Variants in DMXL2 observed in about 807,000 individuals in gnomAD.
DMXL2 encodes Dmx like 2.
A neutral mutation model predicts 331.1 loss-of-function variants in DMXL2; 103 were observed. That is an observed-to-expected ratio of 0.31 (90% CI 0.27 to 0.37). The LOEUF is 0.37. Among genes scored for constraint, DMXL2 ranks in the 10% least tolerant of loss-of-function variants. DMXL2 has a pLI of 1.00. For missense variants in DMXL2, 3,171 were observed against 3,642.9 expected, an observed-to-expected ratio of 0.87 and a Z score of 3.33; for synonymous variants, 1,281 against 1,252.1, an observed-to-expected ratio of 1.02 and a Z score of -0.49.
At chr15:51,598,464 G>C (rs1179551353) in intron 1 of DMXL2, among the ~76,000 whole-genome samples, 1 of 152,096 alleles carries the variant, frequency 6.6e-6, no homozygotes, top group Non-Finnish European at 1.5e-5. Context: ...ATTATCTATA[G>C]AGCTTAGATT....
At position 51,480,649 on chromosome 15, in the gene DMXL2, C is replaced by T. The variant is rs2041943421; in HGVS notation, c.6457G>A (p.Asp2153Asn). 6 of 1,612,566 alleles carry T rather than the reference C, an allele frequency of 3.7e-6. No individual in the cohort carries two copies. Among genetic ancestry groups the T allele is most frequent in the Non-Finnish European group, 4.2e-6 (5 of 1,178,898 alleles). The change falls in exon 24 of 44, where the codon GAT (aspartate) becomes AAT (asparagine). Residue 2153 changes from aspartate (D) to asparagine (N), a missense_variant. By Grantham distance (23) the Asp-to-Asn change is conservative (BLOSUM62 1). This residue lies in a region of DMXL2 where 197 missense variants were observed against 196.2 expected (regional missense o/e 1.00). Transcript: ENST00000560891. ...TAGCTGAGAAATACTCTCAGGAGAT[C>T]TTGGTTTTTCTGCAACCACGACTTT... is the stretch of plus-strand genomic sequence containing the variant. Reference protein sequence around the residue: ...RRKSWLQKNQDLLRVFLSYCS... With the variant: ...RRKSWLQKNQNLLRVFLSYCS...
Position 51,459,628 on chromosome 15 carries a change from T to G in DMXL2, c.7959A>C (p.Gln2653His), listed in dbSNP as rs1271635199. Reference sequence around the variant, plus strand: ...TGTGGCAATCTTCTGCTATGCAGTTTTGGTTGACCTGCTCCACATGTTCTT... The same window carrying G: ...TGTGGCAATCTTCTGCTATGCAGTTGTGGTTGACCTGCTCCACATGTTCTT... ...SIEEHVEQVN[Q>H]NCIAEDCHIK... The change falls in exon 34 of 44, where the codon CAA becomes CAC. Residue 2653 changes from glutamine (Q) to histidine (H), a missense_variant. Gln to His is a conservative substitution (Grantham distance 24). This residue lies in a region of DMXL2 where 766 missense variants were observed against 940.5 expected (regional missense o/e 0.81). Coordinates refer to ENST00000560891, the MANE Select transcript of DMXL2 (RefSeq NM_001378457.1). The G allele has an allele frequency of 7.8e-7, 1 of 1,289,828 alleles. No individual in the cohort carries two copies. The highest frequency in any genetic ancestry group is 2.3e-5 in the Admixed American group (1 of 43,556). 79.9% of individuals were successfully genotyped at this position (1,289,828 alleles called of 1,614,324 possible).
chr15:51,526,146 GA>G (rs1230020120), intron 13 of DMXL2, among the ~76,000 whole-genome samples: 5 of 131,778 alleles, frequency 3.8e-5, no homozygotes, highest in Non-Finnish European at 8.0e-5. Context: ...GAGGGAGAGA[GA>G]GGGGGTGGGA....
chr15:51,602,731 T>C (rs1232573435), intron 1 of DMXL2, among the ~76,000 whole-genome samples: 1 of 152,162 alleles, frequency 6.6e-6, no homozygotes, highest in African/African-American at 2.4e-5. Context: ...TGCAAAGGCT[T>C]TGAAAATGGA....
chr15:51,544,888 C>T (rs1172755861), intron 8 of DMXL2, among the ~76,000 whole-genome samples: 1 of 151,974 alleles, frequency 6.6e-6, no homozygotes, highest in Admixed American at 6.6e-5. Flanking sequence ...TAATAAAAAA[C>T]AGCCACAAGA....
chr15:51,460,955 T>C (rs1044862425), intron 33 of DMXL2, among the ~76,000 whole-genome samples: 12 of 152,224 alleles, frequency 7.9e-5, no homozygotes, highest in Non-Finnish European at 1.3e-4. Flanking sequence ...ACATTTCAAG[T>C]ACTCAGTAAC....
At chr15:51,571,314 T>TA (rs2141097999) in intron 2 of DMXL2, among the ~76,000 whole-genome samples, 1 of 152,266 alleles carries the variant, frequency 6.6e-6, no homozygotes, top group South Asian at 2.1e-4. Context: ...CAAAGAGACT[T>TA]AGACTCCCAC....
intron 32 of DMXL2, 129 bp from the exon 33 acceptor site, chr15:51,463,625 A>G (rs571375132): frequency 1.2e-4 from 70 of 575,552 alleles, no homozygotes; most frequent in Non-Finnish European, 3.8e-5. Context: ...TTCATAATCT[A>G]TTGCAAAGAA....
chr15:51,612,603 T>C (rs1029902466), intron 1 of DMXL2, among the ~76,000 whole-genome samples: 1 of 152,112 alleles, frequency 6.6e-6, no homozygotes, highest in Non-Finnish European at 1.5e-5. Flanking sequence ...AGTGTACGAA[T>C]AGGGTGTGGG....
chr15:51,468,932 C>T (rs1375124448), intron 29 of DMXL2, among the ~76,000 whole-genome samples: 4 of 149,748 alleles, frequency 2.7e-5, no homozygotes, highest in African/African-American at 7.4e-5. Flanking sequence ...TCAGGGCAAA[C>T]GAAAAAGGTG....
intron 29 of DMXL2, among the ~76,000 whole-genome samples, chr15:51,469,193 CT>C (rs74265738): frequency 0.033 from 4,685 of 142,544 alleles, 211 homozygotes; most frequent in African/African-American, 0.1. Context: ...ATTTAAAATC[CT>C]TTTTTTTTTT....
chr15:51,510,821 C>G (rs2046712176), intron 15 of DMXL2, among the ~76,000 whole-genome samples: 1 of 152,178 alleles, frequency 6.6e-6, no homozygotes, highest in African/African-American at 2.4e-5. Context: ...ACAAAAACAG[C>G]ATGGTACTGG....
In DMXL2 at chr15:51,622,489, G is replaced by A; in HGVS notation, c.57C>T (p.Ser19=). 1 of 1,569,756 alleles carries A rather than the reference G, an allele frequency of 6.4e-7. No homozygotes were observed. Among genetic ancestry groups the A allele is most frequent in the Non-Finnish European group, 8.6e-7 (1 of 1,156,872 alleles). The change falls in exon 1 of 44, where the codon TCC becomes TCT. Residue 19 remains serine, a synonymous_variant. Transcript: ENST00000560891. ...AGGGGACATCCCCGACGCTGCCCAC[G>A]GAGTAGCAGTTGTCTCCAGGGTTGA... ...GAVNPGDNCY[S]VGSVGDVPFT...
At chr15:51,596,158 C>T (rs1396166791) in intron 1 of DMXL2, among the ~76,000 whole-genome samples, 4 of 152,014 alleles carry the variant, frequency 2.6e-5, no homozygotes, top group Admixed American at 6.6e-5. Context: ...AGAAAATTTT[C>T]GCAAACTACT....
At chr15:51,479,178 T>A (rs1051871579) in intron 25 of DMXL2, among the ~76,000 whole-genome samples, 1 of 152,198 alleles carries the variant, frequency 6.6e-6, no homozygotes, top group East Asian at 1.9e-4. Flanking sequence ...GGTTAATTCA[T>A]AATATGGATG....
intron 29 of DMXL2, among the ~76,000 whole-genome samples, chr15:51,470,046 G>C (rs1227063908): frequency 1.3e-5 from 2 of 152,144 alleles, no homozygotes; most frequent in African/African-American, 4.8e-5. Context: ...GGGGTCTGAG[G>C]GAAGACCCAA....
chr15:51,535,835 C>T, intron 12 of DMXL2, 51 bp from the exon 13 acceptor site: 2 of 1,543,808 alleles, frequency 1.3e-6, no homozygotes, highest in Non-Finnish European at 1.7e-6. Context: ...GTGTATTTTT[C>T]TTATTGGCTA....
intron 1 of DMXL2, among the ~76,000 whole-genome samples, chr15:51,599,630 CACAT>C (rs1210854620): frequency 1.3e-5 from 2 of 152,148 alleles, no homozygotes; most frequent in Non-Finnish European, 2.9e-5. Context: ...TGTGTATAGA[CACAT>C]ACACATCTAT....
intron 1 of DMXL2, among the ~76,000 whole-genome samples, chr15:51,622,022 C>T (rs1157869729): frequency 6.6e-6 from 1 of 150,740 alleles, no homozygotes; most frequent in Non-Finnish European, 1.5e-5. Flanking sequence ...ATCGCCTCCA[C>T]GCTCCGAGAC....
Sources: allele counts gnomAD v4.1 joint callset (sites outside exome capture counted in the v4.1 genomes callset), GRCh38; gene constraint gnomAD v4.1.1; regional missense constraint gnomAD v4.1.1; transcripts MANE v1.5; gene names NCBI Gene and HGNC (gene_info 2026-07-23, HGNC 2026-07-21).